Variants in XDH observed in about 807,000 individuals in gnomAD.
XDH encodes the protein xanthine dehydrogenase.
A neutral mutation model predicts 156.1 loss-of-function variants in XDH; 138 were observed. That is an observed-to-expected ratio of 0.88 (90% CI 0.77 to 1.02). XDH has a LOEUF of 1.02. Ranked by LOEUF, XDH falls within the 50% of genes least tolerant of loss-of-function variation. The probability of loss-of-function intolerance (pLI) is 0.00; values close to 1 mark genes in which losing one functional copy is unlikely to be tolerated. For missense variants in XDH, 1,849 were observed against 1,684.9 expected (o/e 1.10, Z -1.71); for synonymous variants, 669 against 625.7 (o/e 1.07, Z -1.03).
chr2:31,348,310 C>G lies in XDH; in HGVS notation c.3105G>C (p.Gly1035=), dbSNP rs1327388914. ...GAAGGCCTTGGCCCATCTCAGTCCC[C>G]CCGTGGGTCAGCAGCACAGAGCCAT... ...YTDGSVLLTH[G]GTEMGQGLHT... is the part of the protein sequence containing the mutation. The change falls in exon 28 of 36, where the codon GGG becomes GGC. Residue 1035 remains glycine, a synonymous_variant. Transcript: ENST00000379416. The G allele has an allele frequency of 6.2e-7, 1 of 1,614,192 alleles. No homozygotes were observed. Among genetic ancestry groups the G allele is most frequent in the Non-Finnish European group, 8.5e-7 (1 of 1,180,038 alleles).
chr2:31,346,751 G>A lies in XDH; in HGVS notation c.3351+18C>T. ...TCCCTCTCCTTTGCAAACGTGACTT[G>A]GATCAGCTCAGACTTACCCAGTCTT... On this transcript the variant is annotated intron_variant, in intron 30 of 35. Coordinates refer to ENST00000379416, the MANE Select transcript of XDH (RefSeq NM_000379.4). 1 of 1,614,100 alleles carries A rather than the reference G, an allele frequency of 6.2e-7. No homozygotes were observed. The highest frequency in any genetic ancestry group is 1.1e-5 in the South Asian group (1 of 91,068).
chr2:31,365,372 G>T, intron 23 of XDH, 85 bp downstream of exon 23: 1 of 1,420,742 alleles, frequency 7.0e-7, no homozygotes, highest in Non-Finnish European at 1.0e-6. Context: ...AAGTAGGAGT[G>T]CAGCTCAGGA....
intron 13 of XDH, 86 bp from the exon 14 acceptor site, chr2:31,377,323 G>A (rs746052090): frequency 1.1e-5 from 16 of 1,454,784 alleles, no homozygotes; most frequent in Non-Finnish European, 1.5e-5. Flanking sequence ...GCTATGAGGT[G>A]AGGTGAGGGG....
At chr2:31,364,906 G>A (rs920474852) in intron 23 of XDH, among the ~76,000 whole-genome samples, 6 of 152,162 alleles carry the variant, frequency 3.9e-5, no homozygotes, top group Non-Finnish European at 5.9e-5. Context: ...AGAGCTAGGC[G>A]GAGCCCCATA....
At chr2:31,382,514 G>C (rs897380863) in intron 11 of XDH, among the ~76,000 whole-genome samples, 23 of 152,202 alleles carry the variant, frequency 1.5e-4, no homozygotes, top group African/African-American at 5.3e-4. Context: ...GTGGGGACTT[G>C]TCTGAAGGCT....
At chr2:31,412,166 C>A (rs1389533337) in intron 1 of XDH, among the ~76,000 whole-genome samples, 2 of 152,110 alleles carry the variant, frequency 1.3e-5, no homozygotes, top group East Asian at 3.8e-4. Context: ...GCTGTCATTA[C>A]AATAAAAATA....
intron 1 of XDH, among the ~76,000 whole-genome samples, chr2:31,414,356 G>C (rs1687418830): frequency 6.6e-6 from 1 of 151,914 alleles, no homozygotes; most frequent in Non-Finnish European, 1.5e-5. Flanking sequence ...CTACTGCAGA[G>C]AGTTGGCAGC....
chr2:31,341,462 C>A, intron 32 of XDH, 68 bp from the exon 33 acceptor site: 1 of 1,482,976 alleles, frequency 6.7e-7, no homozygotes, highest in South Asian at 1.2e-5. Context: ...ACAGATGACT[C>A]ATAGTGACCC....
intron 33 of XDH, 150 bp from the exon 34 acceptor site, chr2:31,339,827 GC>G: frequency 1.9e-6 from 2 of 1,037,774 alleles, no homozygotes; most frequent in Non-Finnish European, 2.9e-6. Context: ...TCCCGCCTCA[GC>G]CCTGGGATAA....
Position 31,348,340 on chromosome 2 carries a change from G to A in XDH, c.3075C>T (p.Tyr1025=). ...LNQAGALLHV[Y]TDGSVLLTHG... is the part of the protein sequence containing the mutation. ...GGGTCAGCAGCACAGAGCCATCTGTGTACACATGAAGTAGGGCTCCTGCCT... is the reference window on the plus strand; with the variant it reads ...GGGTCAGCAGCACAGAGCCATCTGTATACACATGAAGTAGGGCTCCTGCCT... The change falls in exon 28 of 36, where the codon TAC becomes TAT. Residue 1025 remains tyrosine, a synonymous_variant. Transcript: ENST00000379416. 6.2e-7 allele frequency: 1 copy of A among 1,614,194 alleles called. No homozygotes were observed. The highest frequency in any genetic ancestry group is 8.5e-7 in the Non-Finnish European group (1 of 1,180,030).
rs147533056 is a variant in XDH, at chr2:31,386,537, G to C, written c.670C>G (p.Arg224Gly). 1 of 1,614,028 alleles carries C rather than the reference G, an allele frequency of 6.2e-7. No individual in the cohort carries two copies. The highest frequency in any genetic ancestry group is 8.5e-7 in the Non-Finnish European group (1 of 1,180,030). The change falls in exon 9 of 36, where the codon CGG becomes GGG. Residue 224 changes from arginine to glycine, a missense_variant. By Grantham distance (125) the Arg-to-Gly change is moderately radical. Transcript: ENST00000379416. ...PELLRLKDTP[R>G]KQLRFEGERV... ...TCCCCTTCAAATCGCAGCTGCTTCCGAGGAGTGTCTTTCAGCCTCTGGGAA... is the reference window on the plus strand; with the variant it reads ...TCCCCTTCAAATCGCAGCTGCTTCCCAGGAGTGTCTTTCAGCCTCTGGGAA...
intron 6 of XDH, among the ~76,000 whole-genome samples, chr2:31,391,558 T>C (rs1320736320): frequency 6.6e-6 from 1 of 152,328 alleles, no homozygotes; most frequent in African/African-American, 2.4e-5. Context: ...GGGATTTTGA[T>C]TGGGATTGCA....
At chr2:31,389,788 C>G (rs1686713535) in intron 6 of XDH, among the ~76,000 whole-genome samples, 1 of 152,122 alleles carries the variant, frequency 6.6e-6, no homozygotes, top group African/African-American at 2.4e-5. Context: ...CTCATCCCCA[C>G]CCTCCTGAGA....
At chr2:31,363,548 C>T (rs944074004) in intron 24 of XDH, among the ~76,000 whole-genome samples, 2 of 152,160 alleles carry the variant, frequency 1.3e-5, no homozygotes, top group Non-Finnish European at 2.9e-5. Context: ...AGTGGTCTAA[C>T]AACTCTTGAA....
chr2:31,414,533 G>C (rs1342860883), intron 1 of XDH, 92 bp downstream of exon 1: 2 of 1,549,278 alleles, frequency 1.3e-6, no homozygotes. Flanking sequence ...GAGGGGACAG[G>C]AAAGACAGAG....
In XDH at chr2:31,370,404, C is replaced by T; in HGVS notation, c.1931G>A (p.Ser644Asn). The change falls in exon 18 of 36, where the codon AGT becomes AAT. Residue 644 changes from serine (S) to asparagine (N), a missense_variant. Transcript: ENST00000379416. Reference protein sequence around the residue: ...CFISADDVPGSNITGICNDET... With the variant: ...CFISADDVPGNNITGICNDET... Reference sequence around the variant, plus strand: ...ATCATTACAAATTCCAGTTATGTTACTCCCAGGAACATCATCAGCGGAAAT... The same window carrying T: ...ATCATTACAAATTCCAGTTATGTTATTCCCAGGAACATCATCAGCGGAAAT... 1.9e-6 allele frequency: 3 copies of T among 1,614,182 alleles called. No homozygotes were observed. Among genetic ancestry groups the T allele is most frequent in the Non-Finnish European group, 2.5e-6 (3 of 1,180,020 alleles).
intron 23 of XDH, 105 bp downstream of exon 23, chr2:31,365,352 G>C: frequency 3.3e-6 from 4 of 1,215,768 alleles, no homozygotes; most frequent in Non-Finnish European, 4.9e-6. Flanking sequence ...AACTTCTACA[G>C]ATAGGCAAAA....
intron 2 of XDH, among the ~76,000 whole-genome samples, chr2:31,404,341 G>C (rs547342497): frequency 4.6e-5 from 7 of 152,206 alleles, no homozygotes; most frequent in Non-Finnish European, 1.0e-4. Flanking sequence ...AATGGTGGCA[G>C]TACAAAGTCT....
At chr2:31,384,853 T>G (rs973892347) in intron 9 of XDH, among the ~76,000 whole-genome samples, 1 of 152,174 alleles carries the variant, frequency 6.6e-6, no homozygotes, top group Admixed American at 6.5e-5. Context: ...AAGTTCTACG[T>G]TACTAAGGTT....
Sources: gnomAD v4.1 joint callset for allele counts (sites outside exome capture counted in the v4.1 genomes callset) on GRCh38, gnomAD v4.1.1 for gene constraint, MANE v1.5 for transcripts, NCBI Gene and HGNC (gene_info 2026-07-23, HGNC 2026-07-21) for gene names.